Variants in RABGAP1L observed in about 807,000 individuals in gnomAD.
RABGAP1L encodes the protein RAB GTPase activating protein 1 like, also known as rab GTPase-activating protein 1-like.
In RABGAP1L, 63 loss-of-function variants were observed where a neutral mutation model predicts 137.7. The observed-to-expected ratio is 0.46, with a 90% CI of 0.37 to 0.56. The LOEUF (loss-of-function observed/expected upper bound fraction) is 0.56. Ranked by LOEUF, RABGAP1L falls within the 20% of genes least tolerant of loss-of-function variation. RABGAP1L has a pLI of 0.00. For synonymous variants in RABGAP1L, 431 were observed against 433.7 expected (o/e 0.99, Z 0.08); for missense variants, 1,095 against 1,244.0 (o/e 0.88, Z 1.80).
intron 14 of RABGAP1L, among the ~76,000 whole-genome samples, chr1:174,645,544 T>C (rs7516353): frequency 0.37 from 56,183 of 151,952 alleles, 13,695 homozygotes; most frequent in African/African-American, 0.7. Context: ...GCAAAGGACA[T>C]GAACTCATTC....
chr1:174,612,821 T>C (rs1390699644), intron 13 of RABGAP1L, among the ~76,000 whole-genome samples: 1 of 152,232 alleles, frequency 6.6e-6, no homozygotes, highest in African/African-American at 2.4e-5. Context: ...CCATTTCTTC[T>C]AGATTTTCTA....
chr1:174,452,521 A>T (rs939441144), intron 13 of RABGAP1L, among the ~76,000 whole-genome samples: 1 of 152,052 alleles, frequency 6.6e-6, no homozygotes, highest in Non-Finnish European at 1.5e-5. Flanking sequence ...GCACATAAAA[A>T]GTGTTCAGAA....
At chr1:174,771,803 T>C (rs1461014287) in intron 18 of RABGAP1L, among the ~76,000 whole-genome samples, 2 of 152,246 alleles carry the variant, frequency 1.3e-5, no homozygotes, top group Non-Finnish European at 2.9e-5. Flanking sequence ...TAATGAGCTC[T>C]CAAATGCATT....
chr1:174,442,078 T>A (rs1654223119), intron 13 of RABGAP1L, among the ~76,000 whole-genome samples: 1 of 152,112 alleles, frequency 6.6e-6, no homozygotes, highest in African/African-American at 2.4e-5. Context: ...ATTTTATAAA[T>A]ATTATGATTC....
chr1:174,812,694 A>T (rs1689991376), intron 19 of RABGAP1L, among the ~76,000 whole-genome samples: 1 of 152,218 alleles, frequency 6.6e-6, no homozygotes, highest in Admixed American at 6.5e-5. Flanking sequence ...TAATAAATAC[A>T]TTATTTATTT....
chr1:174,404,544 A>G (rs1351926042), intron 13 of RABGAP1L, among the ~76,000 whole-genome samples: 1 of 152,178 alleles, frequency 6.6e-6, no homozygotes, highest in Non-Finnish European at 1.5e-5. Context: ...TGTCATGTCA[A>G]AATGATAGCA....
At chr1:174,227,002 A>C (rs1571645095) in intron 3 of RABGAP1L, among the ~76,000 whole-genome samples, 1 of 152,108 alleles carries the variant, frequency 6.6e-6, no homozygotes, top group African/African-American at 2.4e-5. Flanking sequence ...AAGGAGAATA[A>C]TATTGTGACA....
chr1:174,293,439 T>A (rs1676814592), intron 10 of RABGAP1L, among the ~76,000 whole-genome samples: 1 of 152,176 alleles, frequency 6.6e-6, no homozygotes, highest in Admixed American at 6.5e-5. Flanking sequence ...CCTTTCTAAA[T>A]GAATGAACAT....
At chr1:174,632,923 C>T (rs1037205607) in intron 13 of RABGAP1L, among the ~76,000 whole-genome samples, 1 of 152,002 alleles carries the variant, frequency 6.6e-6, no homozygotes, top group African/African-American at 2.4e-5. Context: ...CGGCTTTGTT[C>T]CGTTGCTGGT....
intron 18 of RABGAP1L, among the ~76,000 whole-genome samples, chr1:174,811,062 A>G (rs1002495112): frequency 2.0e-5 from 3 of 152,084 alleles, no homozygotes; most frequent in African/African-American, 4.8e-5. Context: ...TGATTGCACT[A>G]TGCACTCCCG....
chr1:174,161,132 T>A (rs1010112860), intron 1 of RABGAP1L, among the ~76,000 whole-genome samples: 1 of 152,122 alleles, frequency 6.6e-6, no homozygotes, highest in Non-Finnish European at 1.5e-5. Context: ...GCGCTGATAT[T>A]ATGTATTATT....
intron 14 of RABGAP1L, among the ~76,000 whole-genome samples, chr1:174,674,039 AAATT>A (rs749056596): frequency 1.4e-4 from 22 of 151,938 alleles, no homozygotes; most frequent in Non-Finnish European, 3.2e-4. Context: ...GTAATAAAAT[AAATT>A]GTTTTTGAGT....
intron 11 of RABGAP1L, among the ~76,000 whole-genome samples, chr1:174,317,534 C>T (rs916025322): frequency 1.3e-5 from 2 of 152,084 alleles, no homozygotes; most frequent in African/African-American, 4.8e-5. Context: ...AAAGTCTTCC[C>T]TACTCTTCCT....
At chr1:174,779,224 T>C (rs1686765361) in intron 18 of RABGAP1L, among the ~76,000 whole-genome samples, 1 of 152,356 alleles carries the variant, frequency 6.6e-6, no homozygotes, top group South Asian at 2.1e-4. Flanking sequence ...CCCTTTTCTT[T>C]GTATAATACT....
chr1:174,777,177 C>T (rs1686588494), intron 18 of RABGAP1L, among the ~76,000 whole-genome samples: 1 of 152,128 alleles, frequency 6.6e-6, no homozygotes, highest in South Asian at 2.1e-4. Flanking sequence ...AAATATAATA[C>T]CTTAAATAAG....
At chr1:174,388,122 A>G (rs1473912717) in intron 12 of RABGAP1L, among the ~76,000 whole-genome samples, 2 of 152,102 alleles carry the variant, frequency 1.3e-5, no homozygotes, top group East Asian at 1.9e-4. Flanking sequence ...AGCACCTGTC[A>G]TGTGGAGTCC....
At chr1:174,980,814 C>T (rs866135838) in intron 23 of RABGAP1L, among the ~76,000 whole-genome samples, 61 of 151,928 alleles carry the variant, frequency 4.0e-4, no homozygotes, top group African/African-American at 1.4e-3. Flanking sequence ...AGACAGACCG[C>T]GAATACCAGA....
chr1:174,278,228 C>A (rs991768994), intron 9 of RABGAP1L, among the ~76,000 whole-genome samples: 2 of 152,028 alleles, frequency 1.3e-5, no homozygotes, highest in East Asian at 1.9e-4. Flanking sequence ...CATGGTGAAA[C>A]CCCGTCTGTA....
At chr1:174,826,517 C>T (rs1033712720) in intron 19 of RABGAP1L, among the ~76,000 whole-genome samples, 3 of 152,126 alleles carry the variant, frequency 2.0e-5, no homozygotes, top group East Asian at 1.9e-4. Flanking sequence ...CCACCACGCC[C>T]GGCCACCACA....
Sources: allele counts gnomAD v4.1 joint callset (sites outside exome capture counted in the v4.1 genomes callset), GRCh38; gene constraint gnomAD v4.1.1; transcripts MANE v1.5; gene names NCBI Gene and HGNC (gene_info 2026-07-23, HGNC 2026-07-21).